The following FBXO31 variants were observed in gnomAD, a reference collection of about 807,000 sequenced individuals.
FBXO31 encodes the protein F-box protein 31, also known as F-box only protein 31.
In FBXO31, 24 loss-of-function variants were observed where a neutral mutation model predicts 54.4. That is an observed-to-expected ratio of 0.44 (90% confidence interval 0.32 to 0.62). FBXO31 has a LOEUF of 0.62. Among genes scored for constraint, FBXO31 ranks in the 20% least tolerant of loss-of-function variants. The pLI is 0.05. For synonymous variants in FBXO31, 388 were observed against 335.6 expected (o/e 1.16, Z -1.71); for missense variants, 665 against 787.1 (o/e 0.84, Z 1.86).
Position 87,335,867 on chromosome 16 carries a change from G to A in FBXO31, c.842+288C>T, listed in dbSNP as rs149949592. On this transcript the variant is annotated intron_variant, in intron 6 of 8. Coordinates refer to ENST00000311635, the MANE Select transcript of FBXO31 (RefSeq NM_024735.5). This position sits in a 1 kb window ranked among gnomAD's most constrained non-coding sequence, Gnocchi z 5.7. ...GGAAATCAGATAAAAACAGACACCC[G>A]GGTGAAGGATGGGGTCTGGGGCTGT... 5.3e-5 allele frequency among the ~76,000 whole-genome samples: 8 copies of A among 152,252 alleles called. No individual in the cohort carries two copies. Among genetic ancestry groups the A allele is most frequent in the Non-Finnish European group, 1.2e-4 (8 of 68,000 alleles).
At chr16:87,365,009 AAATATATATAT>A (rs1906293201) in intron 1 of FBXO31, among the ~76,000 whole-genome samples, 1 of 63,134 alleles carries the variant, frequency 1.6e-5, no homozygotes, top group Admixed American at 1.9e-4. Flanking sequence ...CCCGTCTCTT[AAATATATATAT>A]ATATATATAT....
rs1597355469 is a variant in FBXO31, at chr16:87,330,966, C to A, written c.*322G>T. The A allele has an allele frequency of 3.3e-6, 1 of 299,362 alleles. No individual in the cohort carries two copies. The highest frequency in any genetic ancestry group is 8.1e-5 in the East Asian group (1 of 12,312). The allele number at this position is 299,362 out of a possible 1,614,324, so 18.5% of individuals were successfully genotyped here. A position where few individuals can be genotyped will look rare whatever the true frequency, so the allele number is the denominator to read the frequency against. The stretch of plus-strand genomic sequence containing the variant: ...AGGGTCCTGCTTCCCGAGAAAACCA[C>A]CAGCCAGCCCAGGGTGCGGGAACCC... On this transcript the variant is annotated 3_prime_UTR_variant, in exon 9 of 9. Coordinates refer to ENST00000311635, the MANE Select transcript of FBXO31 (RefSeq NM_024735.5).
At chr16:87,360,489 A>C in intron 1 of FBXO31, 123 bp from the exon 2 acceptor site, 1 of 745,304 alleles carries the variant, frequency 1.3e-6, no homozygotes, top group Non-Finnish European at 2.3e-6. Context: ...TCCAGAGTGC[A>C]TCTGTCACTG....
upstream of FBXO31, chr16:87,384,328 G>A (rs746969913): frequency 6.6e-6 from 1 of 152,208 alleles, no homozygotes; most frequent in Non-Finnish European, 1.5e-5. Flanking sequence ...GTAACCAAAA[G>A]GCCCGAGCTG....
At chr16:87,352,902 T>G (rs149844481) in intron 2 of FBXO31, among the ~76,000 whole-genome samples, 54 of 152,298 alleles carry the variant, frequency 3.5e-4, no homozygotes, top group Middle Eastern at 3.4e-3. Context: ...TGGGTTCTGG[T>G]GCACACCCAT....
At chr16:87,354,470 A>C (rs1478516220) in intron 2 of FBXO31, among the ~76,000 whole-genome samples, 1 of 149,142 alleles carries the variant, frequency 6.7e-6, no homozygotes, top group Non-Finnish European at 1.5e-5. Context: ...TCCTGTCTCA[A>C]AAAAAAAAAA....
rs1331222426 is a variant in FBXO31, at chr16:87,334,003, G to T, written c.1280C>A (p.Pro427His). The change falls in exon 8 of 9, where the codon CCT becomes CAT. Residue 427 changes from proline (P) to histidine (H), a missense_variant. Physicochemically the swap from Pro to His is moderately conservative, Grantham distance 77 (BLOSUM62 -2). Transcript: ENST00000311635. Reference protein sequence around the residue: ...DGTPGEDGGEPGDAVAAAEQP... With the variant: ...DGTPGEDGGEHGDAVAAAEQP... ...CTCGGCCGCAGCTACGGCATCCCCA[G>T]GCTCGCCACCATCCTCACCAGGTGT... 1.2e-6 allele frequency: 2 copies of T among 1,612,716 alleles called. No individual in the cohort carries two copies. Among genetic ancestry groups the T allele is most frequent in the Non-Finnish European group, 1.7e-6 (2 of 1,179,814 alleles).
At chr16:87,356,445 C>T (rs751749907) in intron 2 of FBXO31, among the ~76,000 whole-genome samples, 1 of 152,048 alleles carries the variant, frequency 6.6e-6, no homozygotes, top group Non-Finnish European at 1.5e-5. Context: ...CTTCCAGCCC[C>T]GTGTTCCCCG....
At chr16:87,341,052 G>A (rs1007708179) in intron 5 of FBXO31, among the ~76,000 whole-genome samples, 1 of 151,728 alleles carries the variant, frequency 6.6e-6, no homozygotes, top group Non-Finnish European at 1.5e-5. Context: ...CAAGACACTA[G>A]GCTGGTCTCA....
At position 87,328,332 on chromosome 16, in the gene FBXO31, C is replaced by G. The variant is rs991086946; in HGVS notation, c.*2956G>C. 7 of 152,632 alleles carry G rather than the reference C, an allele frequency of 4.6e-5. No individual in the cohort carries two copies. The highest frequency in any genetic ancestry group is 1.0e-4 in the Non-Finnish European group (7 of 68,382). 9.5% of individuals were successfully genotyped at this position (152,632 alleles called of 1,614,324 possible). A position where few individuals can be genotyped will look rare whatever the true frequency, so the allele number is the denominator to read the frequency against. On this transcript the variant is annotated 3_prime_UTR_variant, in exon 9 of 9. Transcript: ENST00000311635. The stretch of plus-strand genomic sequence containing the variant: ...ACATGGCCACCCACCCCTCCCTCCT[C>G]GTGTGCCAGGTGGGCTTGCTAGGGG...
chr16:87,368,487 C>A (rs1277537642), intron 1 of FBXO31, among the ~76,000 whole-genome samples: 1 of 152,240 alleles, frequency 6.6e-6, no homozygotes, highest in Non-Finnish European at 1.5e-5. Flanking sequence ...TAACTCCCAT[C>A]CTGCTGCACA....
chr16:87,351,909 A>C (rs1472919958), intron 2 of FBXO31, among the ~76,000 whole-genome samples: 1 of 152,040 alleles, frequency 6.6e-6, no homozygotes, highest in African/African-American at 2.4e-5. Flanking sequence ...CTTCACATGG[A>C]GAGACGCTCT....
At chr16:87,382,142 T>C (rs777629354) in intron 1 of FBXO31, among the ~76,000 whole-genome samples, 1 of 152,146 alleles carries the variant, frequency 6.6e-6, no homozygotes, top group Non-Finnish European at 1.5e-5. Context: ...GCACTGTTTA[T>C]GCATGGAAAA....
At position 87,328,900 on chromosome 16, in the gene FBXO31, C is replaced by G. The variant is rs955627570; in HGVS notation, c.*2388G>C. 1 of 152,200 alleles carries G rather than the reference C, an allele frequency of 6.6e-6. No individual in the cohort carries two copies. Among genetic ancestry groups the G allele is most frequent in the Non-Finnish European group, 1.5e-5 (1 of 68,048 alleles). 9.4% of individuals were successfully genotyped at this position (152,200 alleles called of 1,614,324 possible). A position where few individuals can be genotyped will look rare whatever the true frequency, so the allele number is the denominator to read the frequency against. On this transcript the variant is annotated 3_prime_UTR_variant, in exon 9 of 9. Coordinates refer to ENST00000311635, the MANE Select transcript of FBXO31 (RefSeq NM_024735.5). ...CCTCCTCCTTGGAAACGGTTTTATC[C>G]AACTCTCAGCTGCCCTTAGGCCTCT...
Position 87,345,102 on chromosome 16 carries a change from TGC to T in FBXO31, c.490-1339_490-1338del, listed in dbSNP as rs1905327374. Among the ~76,000 whole-genome samples, 1 of 152,172 alleles carries T rather than the reference TGC, an allele frequency of 6.6e-6. No homozygotes were observed. The highest frequency in any genetic ancestry group is 6.5e-5 in the Admixed American group (1 of 15,278). ...TGCATGCCAGGCCTGGAAGAACCTG[TGC>T]AGAGGCCACGGGGAGACAGACACAC... is the stretch of plus-strand genomic sequence containing the variant. On this transcript the variant is annotated intron_variant, in intron 3 of 8. Transcript: ENST00000311635. The surrounding 1 kb of genome is among the most constrained non-coding windows in gnomAD (Gnocchi z 4.9).
At chr16:87,368,273 C>T (rs552598126) in intron 1 of FBXO31, among the ~76,000 whole-genome samples, 40 of 152,358 alleles carry the variant, frequency 2.6e-4, no homozygotes, top group African/African-American at 8.2e-4. Context: ...TCTGACCCAA[C>T]TGCTCCTTTA....
intron 2 of FBXO31, among the ~76,000 whole-genome samples, chr16:87,351,206 G>T (rs186144020): frequency 1.3e-5 from 2 of 152,138 alleles, no homozygotes; most frequent in African/African-American, 2.4e-5. Context: ...ACAAGCAAAC[G>T]GATTCATTCA....
intron 2 of FBXO31, among the ~76,000 whole-genome samples, chr16:87,349,864 G>A (rs572476485): frequency 6.7e-6 from 1 of 150,208 alleles, no homozygotes; most frequent in Middle Eastern, 3.4e-3. Context: ...AGCTATGATC[G>A]TGCCACTGCA....
upstream of FBXO31, among the ~76,000 whole-genome samples, chr16:87,390,602 G>A (rs971688583): frequency 6.6e-6 from 1 of 151,072 alleles, no homozygotes; most frequent in East Asian, 2.0e-4. Flanking sequence ...CACCACACCC[G>A]GCTAATTTTT....
Sources: gnomAD v4.1 joint callset for allele counts (sites outside exome capture counted in the v4.1 genomes callset) on GRCh38, gnomAD v4.1.1 for gene constraint, Gnocchi (gnomAD v3.1) non-coding constraint, MANE v1.5 for transcripts, NCBI Gene and HGNC (gene_info 2026-07-23, HGNC 2026-07-21) for gene names.